LAMA4: variants seen among roughly 807,000 people sequenced by gnomAD.
LAMA4 encodes the protein laminin subunit alpha 4, also known as laminin subunit alpha-4.
Under a neutral mutation model 207.1 loss-of-function variants are expected in LAMA4, and 127 were observed. That is an observed-to-expected ratio of 0.61 (90% confidence interval 0.53 to 0.71). LAMA4 has a LOEUF of 0.71. LAMA4 is among the 30% of genes least tolerant of loss of function. The pLI is 0.00. For missense variants in LAMA4, 2,093 were observed against 2,246.5 expected, an observed-to-expected ratio of 0.93 and a Z score of 1.38; for synonymous variants, 761 against 816.0, an observed-to-expected ratio of 0.93 and a Z score of 1.15.
At chr6:112,238,748 T>C (rs1786131693) in intron 2 of LAMA4, among the ~76,000 whole-genome samples, 1 of 152,190 alleles carries the variant, frequency 6.6e-6, no homozygotes, top group Non-Finnish European at 1.5e-5. Context: ...AATAGTGACA[T>C]ATTTATTAAA....
At chr6:112,192,335 G>C (rs1353491659) in intron 5 of LAMA4, among the ~76,000 whole-genome samples, 1 of 152,238 alleles carries the variant, frequency 6.6e-6, no homozygotes, top group African/African-American at 2.4e-5. Flanking sequence ...CTGGCTGAAA[G>C]GGATTGACTC....
chr6:112,185,158 G>A (rs1021578818), intron 9 of LAMA4, 79 bp downstream of exon 9: 42 of 945,750 alleles, frequency 4.4e-5, no homozygotes, highest in South Asian at 2.7e-4. Context: ...AGCCTCAGTC[G>A]TTTGTGACCA....
At chr6:112,165,598 A>G (rs1781340958) in intron 12 of LAMA4, among the ~76,000 whole-genome samples, 1 of 152,222 alleles carries the variant, frequency 6.6e-6, no homozygotes, top group Non-Finnish European at 1.5e-5. Context: ...GACTATGGAG[A>G]AAGGATTGAA....
At chr6:112,203,865 A>G (rs1783903311) in intron 4 of LAMA4, among the ~76,000 whole-genome samples, 1 of 152,154 alleles carries the variant, frequency 6.6e-6, no homozygotes, top group African/African-American at 2.4e-5. Context: ...GTCTGTGAAT[A>G]TGCATCTAGA....
intron 2 of LAMA4, among the ~76,000 whole-genome samples, chr6:112,224,618 C>A (rs6900576): frequency 0.19 from 28,854 of 151,900 alleles, 3,053 homozygotes; most frequent in African/African-American, 0.25. Context: ...GAGTTTGAGA[C>A]CAGCCTGGCC....
intron 27 of LAMA4, among the ~76,000 whole-genome samples, 185 bp downstream of exon 27, chr6:112,133,164 G>C (rs1457617648): frequency 6.6e-6 from 1 of 152,070 alleles, no homozygotes; most frequent in Non-Finnish European, 1.5e-5. Flanking sequence ...TGAAGCAAAC[G>C]AACAAGTCAC....
At chr6:112,199,572 A>G (rs1554351516) in intron 5 of LAMA4, among the ~76,000 whole-genome samples, 1 of 152,120 alleles carries the variant, frequency 6.6e-6, no homozygotes, top group East Asian at 1.9e-4. Context: ...GTAATCGATC[A>G]TCTCTGTCAG....
At chr6:112,249,541 T>C (rs1787277677) in intron 2 of LAMA4, among the ~76,000 whole-genome samples, 1 of 152,012 alleles carries the variant, frequency 6.6e-6, no homozygotes. Flanking sequence ...TCCTAGCTAC[T>C]TTTGCACAGT....
chr6:112,208,825 T>C (rs1784212635), intron 3 of LAMA4, among the ~76,000 whole-genome samples: 1 of 152,196 alleles, frequency 6.6e-6, no homozygotes, highest in Non-Finnish European at 1.5e-5. Context: ...TAGTCCCTGA[T>C]TAAAATTATG....
Position 112,128,225 on chromosome 6 carries a change from G to T in LAMA4, c.4287+697C>A, listed in dbSNP as rs77886563. On this transcript the variant is annotated intron_variant, in intron 31 of 38. Coordinates refer to ENST00000230538, the MANE Select transcript of LAMA4 (RefSeq NM_001105206.3). ...ACCATTGTAAAGGAAACCATTGTAA[G>T]TTGGAAGTATGAATAAATAGCTGAT... Among the ~76,000 whole-genome samples the T allele has an allele frequency of 7.1e-3, 1,074 of 152,278 alleles. 4 individuals carry two copies. Among genetic ancestry groups the T allele is most frequent in the Non-Finnish European group, 9.7e-3 (662 of 68,026 alleles).
At chr6:112,133,626 G>A in intron 26 of LAMA4, 139 bp from the exon 27 acceptor site, 1 of 1,079,126 alleles carries the variant, frequency 9.3e-7, no homozygotes, top group South Asian at 1.3e-5. Context: ...TTCTTTGATA[G>A]GCACACAGCA....
intron 2 of LAMA4, among the ~76,000 whole-genome samples, chr6:112,246,560 G>T (rs1476221904): frequency 7.1e-6 from 1 of 141,532 alleles, no homozygotes; most frequent in African/African-American, 2.7e-5. Context: ...TCGCTCTGTC[G>T]CCCAGGCTGG....
In LAMA4 at chr6:112,147,305, A is replaced by G. The variant is rs75524261; in HGVS notation, c.2353+852T>C. On this transcript the variant is annotated intron_variant, in intron 18 of 38. Transcript: ENST00000230538. ...GGTTACATGGAAGAAATGAATATAT[A>G]CTTAAAAGATCATTATAAAAGAGCT... Among the ~76,000 whole-genome samples, 74 of 152,342 alleles carry G rather than the reference A, an allele frequency of 4.9e-4. No homozygotes were observed. The East Asian group carries it at 0.012, about 25-fold the overall frequency.
chr6:112,113,736 C>T (rs1777840588), intron 38 of LAMA4, among the ~76,000 whole-genome samples: 1 of 152,152 alleles, frequency 6.6e-6, no homozygotes, highest in South Asian at 2.1e-4. Flanking sequence ...CCAAAGTTCT[C>T]AGATCCTACT....
intron 2 of LAMA4, among the ~76,000 whole-genome samples, chr6:112,228,683 C>T (rs1413909678): frequency 6.6e-6 from 1 of 152,188 alleles, no homozygotes; most frequent in Admixed American, 6.5e-5. Context: ...GGGGAGCTTG[C>T]CGGCGGGAGC....
At chr6:112,240,218 T>C (rs1786303302) in intron 2 of LAMA4, among the ~76,000 whole-genome samples, 1 of 152,224 alleles carries the variant, frequency 6.6e-6, no homozygotes, top group African/African-American at 2.4e-5. Flanking sequence ...TCTCCTGAGG[T>C]CATTTTTTTG....
At chr6:112,253,674 G>T in intron 2 of LAMA4, 1 of 1,464,288 alleles carries the variant, frequency 6.8e-7, no homozygotes, top group Non-Finnish European at 9.5e-7. Flanking sequence ...TGCTGCTGCA[G>T]TCCCCGGTGA....
chr6:112,122,239 T>C (rs782468892), intron 31 of LAMA4, 38 bp from the exon 32 acceptor site: 75 of 1,513,804 alleles, frequency 5.0e-5, no homozygotes, highest in Non-Finnish European at 6.1e-5. Context: ...AAAAGTGACA[T>C]ACTAGCAGCA....
At chr6:112,202,309 G>T (rs797027167) in intron 4 of LAMA4, among the ~76,000 whole-genome samples, 1 of 151,870 alleles carries the variant, frequency 6.6e-6, no homozygotes, top group Non-Finnish European at 1.5e-5. Flanking sequence ...TAGGACACAG[G>T]ACAAAAAAGT....
Sources: gnomAD v4.1 joint callset for allele counts (sites outside exome capture counted in the v4.1 genomes callset) on GRCh38, gnomAD v4.1.1 for gene constraint, MANE v1.5 for transcripts, NCBI Gene and HGNC (gene_info 2026-07-23, HGNC 2026-07-21) for gene names.